The following KCNC2 variants were observed in gnomAD, a reference collection of about 807,000 sequenced individuals.
KCNC2 encodes the protein potassium voltage-gated channel subfamily C member 2.
Under a neutral mutation model 44.5 loss-of-function variants are expected in KCNC2, and 21 were observed. The ratio of observed to expected loss-of-function variants is 0.47; its 90% CI spans 0.33 to 0.68. The LOEUF is 0.68. Among genes scored for constraint, KCNC2 ranks in the 30% least tolerant of loss-of-function variants. The pLI is 0.01. For synonymous variants in KCNC2, 391 were observed against 339.1 expected, an observed-to-expected ratio of 1.15 and a Z score of -1.68; for missense variants, 589 against 826.2, an observed-to-expected ratio of 0.71 and a Z score of 3.52.
chr12:75,207,229 G>A lies in KCNC2; in HGVS notation c.687+68C>T. 1 of 1,498,264 alleles carries A rather than the reference G, an allele frequency of 6.7e-7. No homozygotes were observed. Among genetic ancestry groups the A allele is most frequent in the South Asian group, 1.3e-5 (1 of 76,880 alleles). The allele number at this position is 1,498,264 out of a possible 1,614,324, so 92.8% of individuals were successfully genotyped here. A position where few individuals can be genotyped will look rare whatever the true frequency, so the allele number is the denominator to read the frequency against. ...ATGCCTGAGGCCCTGGGGTGGAAAAGAACAGAAAGTTGGGGAGGGAGTTGG... is the reference window on the plus strand; with the variant it reads ...ATGCCTGAGGCCCTGGGGTGGAAAAAAACAGAAAGTTGGGGAGGGAGTTGG... On this transcript the variant is annotated intron_variant, in intron 2 of 4. Coordinates refer to ENST00000549446, the MANE Select transcript of KCNC2 (RefSeq NM_139137.4). The surrounding 1 kb of genome is among the most constrained non-coding windows in gnomAD (Gnocchi z 4.1).
At chr12:75,111,258 A>G (rs1339971670) in intron 2 of KCNC2, among the ~76,000 whole-genome samples, 1 of 152,148 alleles carries the variant, frequency 6.6e-6, no homozygotes, top group Non-Finnish European at 1.5e-5. Flanking sequence ...ATCCTCTTCT[A>G]GTCTGTAGAT....
At chr12:75,070,966 TTTTA>T (rs1396912011) in intron 2 of KCNC2, among the ~76,000 whole-genome samples, 1 of 152,136 alleles carries the variant, frequency 6.6e-6, no homozygotes, top group African/African-American at 2.4e-5. Flanking sequence ...ACATTAAATC[TTTTA>T]TTTATCTTGC....
At chr12:75,138,391 G>A (rs539511830) in intron 2 of KCNC2, among the ~76,000 whole-genome samples, 2 of 152,224 alleles carry the variant, frequency 1.3e-5, no homozygotes, top group South Asian at 2.1e-4. Context: ...GTAGACCTGA[G>A]GTTACAAAGT....
intron 2 of KCNC2, among the ~76,000 whole-genome samples, chr12:75,182,542 A>AC (rs1892671554): frequency 8.1e-5 from 12 of 148,404 alleles, no homozygotes; most frequent in African/African-American, 2.2e-4. Flanking sequence ...AAAAAACAAA[A>AC]AAAACAAAAA....
Position 75,181,916 on chromosome 12 carries a change from C to CTTTTTTTTTTTTTTTTTTTTTT in KCNC2, c.687+25359_687+25380dup, listed in dbSNP as rs61089425. ...AAACATTATTACTATTAATATCTTC[C>CTTTTTTTTTTTTTTTTTTTTTT]TTTTTTTTTTTTTTTTTTTTTTTTT... On this transcript the variant is annotated intron_variant, in intron 2 of 4. Coordinates refer to ENST00000549446, the MANE Select transcript of KCNC2 (RefSeq NM_139137.4). Among the ~76,000 whole-genome samples, 17 of 47,876 alleles carry CTTTTTTTTTTTTTTTTTTTTTT rather than the reference C, an allele frequency of 3.6e-4. 4 individuals are homozygous for CTTTTTTTTTTTTTTTTTTTTTT. The highest frequency in any genetic ancestry group is 2.0e-3 in the East Asian group (2 of 1,014). The allele number at this position is 47,876 out of a possible 152,430, so 31.4% of individuals were successfully genotyped here.
intron 2 of KCNC2, among the ~76,000 whole-genome samples, chr12:75,064,594 T>C: frequency 6.6e-6 from 1 of 151,986 alleles, no homozygotes; most frequent in East Asian, 1.9e-4. Flanking sequence ...TATTTGTTGG[T>C]ATTGTTATTA....
intron 2 of KCNC2, among the ~76,000 whole-genome samples, chr12:75,068,778 C>T (rs1200961923): frequency 1.3e-5 from 2 of 152,122 alleles, no homozygotes; most frequent in African/African-American, 4.8e-5. Flanking sequence ...AGATGAAATT[C>T]CTTTCATGAG....
chr12:75,080,211 C>T lies in KCNC2; in HGVS notation c.688-28894G>A, dbSNP rs746114172. ...TTTCATTGGAAATATTTTTTAATCA[C>T]AAATGTAGAAAAGTAATTAAAATAA... is the stretch of plus-strand genomic sequence containing the variant. On this transcript the variant is annotated intron_variant, in intron 2 of 4. Coordinates refer to ENST00000549446, the MANE Select transcript of KCNC2 (RefSeq NM_139137.4). 7.4e-4 allele frequency among the ~76,000 whole-genome samples: 113 copies of T among 152,042 alleles called. 1 individual carries two copies. The highest frequency in any genetic ancestry group is 9.4e-4 in the Non-Finnish European group (64 of 67,984).
intron 2 of KCNC2, among the ~76,000 whole-genome samples, chr12:75,154,521 C>A (rs1342104217): frequency 6.6e-6 from 1 of 151,932 alleles, no homozygotes; most frequent in African/African-American, 2.4e-5. Context: ...TGTCAGGCTT[C>A]TAGGACTCAT....
intron 2 of KCNC2, among the ~76,000 whole-genome samples, chr12:75,084,164 A>T (rs1884750169): frequency 6.6e-6 from 1 of 151,958 alleles, no homozygotes; most frequent in Non-Finnish European, 1.5e-5. Context: ...TCTAAGGACC[A>T]TCTCCTCTAT....
rs1879897474 is a variant in KCNC2 at position 75,041,490 on chromosome 12, T to A, written c.*1615A>T. On this transcript the variant is annotated 3_prime_UTR_variant, in exon 5 of 5. Transcript: ENST00000549446. The stretch of plus-strand genomic sequence containing the variant: ...ATGAGAAATAGGAATTAATCAGCAG[T>A]CTCAAGGCTCCCAAATGCCTTAGTG... 8.3e-7 allele frequency: 1 copy of A among 1,200,364 alleles called. No individual in the cohort carries two copies. Among genetic ancestry groups the A allele is most frequent in the Admixed American group, 3.6e-5 (1 of 27,748 alleles). 74.4% of individuals were successfully genotyped at this position (1,200,364 alleles called of 1,614,324 possible).
chr12:75,125,790 T>A (rs886570395), intron 2 of KCNC2, among the ~76,000 whole-genome samples: 3 of 152,164 alleles, frequency 2.0e-5, no homozygotes, highest in Non-Finnish European at 2.9e-5. Flanking sequence ...TGTACCATTA[T>A]CAAACTATAT....
At chr12:75,060,608 T>C (rs1882217374) in intron 2 of KCNC2, among the ~76,000 whole-genome samples, 1 of 151,648 alleles carries the variant, frequency 6.6e-6, no homozygotes, top group Admixed American at 6.6e-5. Flanking sequence ...TGGGATTACA[T>C]GCATGTGCCA....
At chr12:75,099,177 A>G (rs1019207708) in intron 2 of KCNC2, among the ~76,000 whole-genome samples, 1 of 152,242 alleles carries the variant, frequency 6.6e-6, no homozygotes, top group African/African-American at 2.4e-5. Context: ...TTGAAAAATT[A>G]TGAGTAGCGT....
chr12:75,086,673 AAAAAAAAAAT>A (rs1170168669), intron 2 of KCNC2, among the ~76,000 whole-genome samples: 18 of 62,022 alleles, frequency 2.9e-4, no homozygotes, highest in Non-Finnish European at 2.4e-4. Flanking sequence ...AAAAAAAAAA[AAAAAAAAAAT>A]ATATATATAT....
chr12:75,168,821 A>C (rs769579492), intron 2 of KCNC2, among the ~76,000 whole-genome samples: 5 of 151,618 alleles, frequency 3.3e-5, no homozygotes, highest in Non-Finnish European at 5.9e-5. Context: ...TAATTTGAAC[A>C]AAATGAATAA....
At chr12:75,171,649 G>C (rs1452490529) in intron 2 of KCNC2, among the ~76,000 whole-genome samples, 1 of 151,782 alleles carries the variant, frequency 6.6e-6, no homozygotes, top group Non-Finnish European at 1.5e-5. Flanking sequence ...AATGAAGAAA[G>C]CTTGGTGCAA....
chr12:75,107,936 T>C (rs1182885972), intron 2 of KCNC2, among the ~76,000 whole-genome samples: 1 of 152,080 alleles, frequency 6.6e-6, no homozygotes, highest in Non-Finnish European at 1.5e-5. Context: ...ATATTCACAT[T>C]ATAAAAGACT....
intron 2 of KCNC2, among the ~76,000 whole-genome samples, chr12:75,122,789 C>T (rs941328080): frequency 1.1e-4 from 17 of 151,686 alleles, no homozygotes; most frequent in African/African-American, 3.6e-4. Context: ...TAGTAAAAAT[C>T]GGAAAGCGGA....
Sources: gnomAD v4.1 joint callset for allele counts (sites outside exome capture counted in the v4.1 genomes callset) on GRCh38, gnomAD v4.1.1 for gene constraint, Gnocchi (gnomAD v3.1) non-coding constraint, MANE v1.5 for transcripts, NCBI Gene and HGNC (gene_info 2026-07-23, HGNC 2026-07-21) for gene names.